Variants in LTV1 observed in about 807,000 individuals in gnomAD.
The protein encoded by LTV1 is LTV1 ribosome biogenesis factor.
A neutral mutation model predicts 59.9 loss-of-function variants in LTV1; 39 were observed. The observed-to-expected ratio is 0.65, with a 90% CI of 0.50 to 0.85. LTV1 has a LOEUF of 0.85. Among genes scored for constraint, LTV1 ranks in the 40% least tolerant of loss-of-function variants. The pLI, the probability that LTV1 is intolerant of heterozygous loss-of-function variation, is 0.00. For missense variants in LTV1, 493 were observed against 549.1 expected (o/e 0.90, Z 1.02); for synonymous variants, 171 against 189.5 (o/e 0.90, Z 0.80).
chr6:143,863,434 G>A lies in LTV1; in HGVS notation c.1335G>A (p.Lys445=), dbSNP rs1352684142. 1 of 1,613,370 alleles carries A rather than the reference G, an allele frequency of 6.2e-7. No homozygotes were observed. The change falls in exon 11 of 11, where the codon AAG becomes AAA. Residue 445 remains lysine, a synonymous_variant. Transcript: ENST00000367576. The surrounding 1 kb of genome is among the most constrained non-coding windows in gnomAD (Gnocchi z 4.5). ...KEERKERRVE[K]KANKLAFKLE... ...TATAACAGGAACGAAGAGTGGAGAA[G>A]AAAGCTAACAAATTAGCATTTAAAC...
chr6:143,845,970 C>T, intron 2 of LTV1, 81 bp from the exon 3 acceptor site: 1 of 1,358,776 alleles, frequency 7.4e-7, no homozygotes, highest in Non-Finnish European at 1.0e-6. Context: ...GTAATATTCC[C>T]ATGCCTTATC....
At chr6:143,850,287 G>T in intron 4 of LTV1, 69 bp downstream of exon 4, 1 of 1,184,584 alleles carries the variant, frequency 8.4e-7, no homozygotes, top group South Asian at 1.3e-5. Flanking sequence ...AATGATGTAG[G>T]ATTTTTCTAT....
intron 2 of LTV1, among the ~76,000 whole-genome samples, chr6:143,844,879 A>G (rs1398339735): frequency 6.6e-6 from 1 of 152,216 alleles, no homozygotes; most frequent in African/African-American, 2.4e-5. Flanking sequence ...ATAATCTATA[A>G]GTTAATTTTC....
rs187953359 is a variant in LTV1, at chr6:143,858,047, T to C, written c.795+40T>C. 3.3e-5 allele frequency: 53 copies of C among 1,587,446 alleles called. 1 individual carries two copies. The South Asian group carries it at 4.1e-4, about 12-fold the overall frequency. On this transcript the variant is annotated intron_variant, in intron 6 of 10. Coordinates refer to ENST00000367576, the MANE Select transcript of LTV1 (RefSeq NM_032860.5). ...TAAGGGATGCTTTAGTACTATCTTA[T>C]GTTAAATTTTTTTTTTTAATACCTG...
In LTV1 at chr6:143,863,135, T is replaced by TA. The variant is rs1349230919; in HGVS notation, c.1167dup (p.Pro390ThrfsTer11). 6.2e-7 allele frequency: 1 copy of TA among 1,613,878 alleles called. No homozygotes were observed. Among genetic ancestry groups the TA allele is most frequent in the Non-Finnish European group, 8.5e-7 (1 of 1,179,948 alleles). On this transcript the variant is annotated frameshift_variant, in exon 10 of 11. Coordinates refer to ENST00000367576, the MANE Select transcript of LTV1 (RefSeq NM_032860.5). LOFTEE classifies it high-confidence loss of function. The surrounding 1 kb of genome is among the most constrained non-coding windows in gnomAD (Gnocchi z 4.5). ...AAAACAGGAATACCTCTCAATGTCT[T>TA]ACCAAAGAAAGGACTCACAGCAAAG... is the stretch of plus-strand genomic sequence containing the variant.
Position 143,863,521 on chromosome 6 carries a change from G to A in LTV1, c.1422G>A (p.Lys474=), listed in dbSNP as rs771751291. ...TGAAGAAGAATGTTGAGGGTCTAAAGCTATAGACAGTGGAGCATACAGGGC... is the reference window on the plus strand; with the variant it reads ...TGAAGAAGAATGTTGAGGGTCTAAAACTATAGACAGTGGAGCATACAGGGC... ...LNLKKNVEGL[K]L is the part of the protein sequence containing the mutation. The change falls in exon 11 of 11, where the codon AAG becomes AAA. Residue 474 remains lysine, a synonymous_variant. Coordinates refer to ENST00000367576, the MANE Select transcript of LTV1 (RefSeq NM_032860.5). This position sits in a 1 kb window ranked among gnomAD's most constrained non-coding sequence, Gnocchi z 4.5. 6.2e-7 allele frequency: 1 copy of A among 1,610,886 alleles called. No individual in the cohort carries two copies. The highest frequency in any genetic ancestry group is 1.7e-5 in the Admixed American group (1 of 59,974).
Position 143,844,496 on chromosome 6 carries a change from A to G in LTV1, c.14A>G (p.Lys5Arg). 6.2e-7 allele frequency: 1 copy of G among 1,613,248 alleles called. No individual in the cohort carries two copies. ...TTTGTTCCTTTGAAGCCTCACAGGA[A>G]GAAAAAGCCCTTTATAGAGAAGAAG... is the stretch of plus-strand genomic sequence containing the variant. MPHR[K>R]KKPFIEKKKA... is the part of the protein sequence containing the mutation. The change falls in exon 2 of 11, where the codon AAG becomes AGG. Residue 5 changes from lysine (K) to arginine (R), a missense_variant. By Grantham distance (26) the Lys-to-Arg change is conservative (BLOSUM62 2). Coordinates refer to ENST00000367576, the MANE Select transcript of LTV1 (RefSeq NM_032860.5).
chr6:143,862,716 T>C lies in LTV1; in HGVS notation c.1064-128T>C. 1 of 654,212 alleles carries C rather than the reference T, an allele frequency of 1.5e-6. No homozygotes were observed. The highest frequency in any genetic ancestry group is 2.8e-6 in the Non-Finnish European group (1 of 361,906). The allele number at this position is 654,212 out of a possible 1,614,324, so 40.5% of individuals were successfully genotyped here. A position where few individuals can be genotyped will look rare whatever the true frequency, so the allele number is the denominator to read the frequency against. On this transcript the variant is annotated intron_variant, in intron 8 of 10. Transcript: ENST00000367576. The surrounding 1 kb of genome is among the most constrained non-coding windows in gnomAD (Gnocchi z 4.2). ...TGAGTTGTAAGCAATTTATAAAACA[T>C]TGATCAGAGACTCCAGTGTTATTTT...
intron 4 of LTV1, among the ~76,000 whole-genome samples, chr6:143,852,870 G>A (rs1442729767): frequency 6.6e-6 from 1 of 152,190 alleles, no homozygotes; most frequent in African/African-American, 2.4e-5. Context: ...TCAAAGATCA[G>A]ATGGCTGTAG....
At chr6:143,854,665 C>T (rs557496369) in intron 4 of LTV1, among the ~76,000 whole-genome samples, 15 of 152,242 alleles carry the variant, frequency 9.9e-5, no homozygotes, top group African/African-American at 2.4e-4. Flanking sequence ...TCATTGGTTT[C>T]GAAGAACTTA....
At chr6:143,861,011 C>G (rs1191473156) in intron 7 of LTV1, among the ~76,000 whole-genome samples, 1 of 151,796 alleles carries the variant, frequency 6.6e-6, no homozygotes, top group African/African-American at 2.4e-5. Context: ...ATTCTCCTGC[C>G]TCAGCCTCCT....
At chr6:143,850,758 T>C (rs1776968969) in intron 4 of LTV1, among the ~76,000 whole-genome samples, 2 of 152,362 alleles carry the variant, frequency 1.3e-5, no homozygotes, top group South Asian at 4.1e-4. Flanking sequence ...TCCTGTGGCA[T>C]TCATTAATTA....
intron 4 of LTV1, among the ~76,000 whole-genome samples, chr6:143,853,480 C>A (rs547713690): frequency 2.0e-5 from 3 of 152,158 alleles, no homozygotes; most frequent in African/African-American, 7.2e-5. Context: ...TGCCTGATTG[C>A]CCTGGCCAGA....
At chr6:143,846,649 A>G (rs1435341747) in intron 3 of LTV1, among the ~76,000 whole-genome samples, 1 of 152,250 alleles carries the variant, frequency 6.6e-6, no homozygotes, top group Non-Finnish European at 1.5e-5. Flanking sequence ...AAACAGAATG[A>G]GTGGATGATA....
intron 4 of LTV1, among the ~76,000 whole-genome samples, chr6:143,856,540 T>A (rs1638841915): frequency 6.6e-6 from 1 of 152,164 alleles, no homozygotes; most frequent in Admixed American, 6.5e-5. Context: ...ATTTCAGCCT[T>A]TTTGTGCTGG....
At chr6:143,848,191 G>T (rs1292616827) in intron 3 of LTV1, among the ~76,000 whole-genome samples, 1 of 152,098 alleles carries the variant, frequency 6.6e-6, no homozygotes, top group Non-Finnish European at 1.5e-5. Context: ...AACTGACCTT[G>T]TGTTTAACCC....
At chr6:143,849,446 C>T (rs1015870123) in intron 3 of LTV1, among the ~76,000 whole-genome samples, 1 of 152,172 alleles carries the variant, frequency 6.6e-6, no homozygotes, top group Non-Finnish European at 1.5e-5. Context: ...ACTTACTGAT[C>T]ATTCTCAGGC....
At chr6:143,844,055 G>A (rs1401658558) in intron 1 of LTV1, among the ~76,000 whole-genome samples, 1 of 152,256 alleles carries the variant, frequency 6.6e-6, no homozygotes, top group Non-Finnish European at 1.5e-5. Context: ...GATGCTCTGT[G>A]TGGAGCTGTC....
In LTV1 at chr6:143,863,015, G is replaced by A. The variant is rs1777196705; in HGVS notation, c.1117-71G>A. On this transcript the variant is annotated intron_variant, in intron 9 of 10. Transcript: ENST00000367576. This position sits in a 1 kb window ranked among gnomAD's most constrained non-coding sequence, Gnocchi z 4.5. ...AGTGATATTAGAAAAAGCATCAACA[G>A]TATGTCATTAATGAGCTATTTTTTA... 2.7e-6 allele frequency: 4 copies of A among 1,468,124 alleles called. No homozygotes were observed. The highest frequency in any genetic ancestry group is 3.8e-6 in the Non-Finnish European group (4 of 1,049,966). 90.9% of individuals were successfully genotyped at this position (1,468,124 alleles called of 1,614,324 possible). A position where few individuals can be genotyped will look rare whatever the true frequency, so the allele number is the denominator to read the frequency against.
Sources: gnomAD v4.1 joint callset for allele counts (sites outside exome capture counted in the v4.1 genomes callset) on GRCh38, gnomAD v4.1.1 for gene constraint, Gnocchi (gnomAD v3.1) non-coding constraint, MANE v1.5 for transcripts, NCBI Gene and HGNC (gene_info 2026-07-23, HGNC 2026-07-21) for gene names.